The following CNTNAP5 variants were observed in gnomAD, a reference collection of about 807,000 sequenced individuals.
CNTNAP5 encodes contactin associated protein family member 5.
In CNTNAP5, 72 loss-of-function variants were observed where a neutral mutation model predicts 150.2. That is an observed-to-expected ratio of 0.48 (90% confidence interval 0.40 to 0.58). The LOEUF (loss-of-function observed/expected upper bound fraction) is 0.58, where lower values mean the gene tolerates loss of function less well. CNTNAP5 is among the 20% of genes least tolerant of loss of function. The probability of loss-of-function intolerance (pLI) is 0.00; values close to 1 mark genes in which losing one functional copy is unlikely to be tolerated. For missense variants in CNTNAP5, 1,636 were observed against 1,626.2 expected (o/e 1.01, Z -0.10); for synonymous variants, 672 against 619.8 (o/e 1.08, Z -1.25).
intron 3 of CNTNAP5, among the ~76,000 whole-genome samples, chr2:124,338,041 T>C (rs1689521151): frequency 6.6e-6 from 1 of 152,190 alleles, no homozygotes; most frequent in Non-Finnish European, 1.5e-5. Flanking sequence ...TTTTATTTCA[T>C]TCAGCAGTGG....
intron 3 of CNTNAP5, among the ~76,000 whole-genome samples, chr2:124,312,577 T>A (rs1440794889): frequency 6.6e-6 from 1 of 151,956 alleles, no homozygotes; most frequent in Admixed American, 6.6e-5. Flanking sequence ...GTTTGTTTGT[T>A]TGTTTGTTTT....
intron 1 of CNTNAP5, among the ~76,000 whole-genome samples, chr2:124,076,148 T>C (rs1041189100): frequency 6.6e-6 from 1 of 152,166 alleles, no homozygotes; most frequent in Non-Finnish European, 1.5e-5. Context: ...ACAGATATTA[T>C]AGCTTAACTT....
chr2:124,258,895 T>C (rs1687381742), intron 3 of CNTNAP5, among the ~76,000 whole-genome samples: 1 of 151,974 alleles, frequency 6.6e-6, no homozygotes, highest in African/African-American at 2.4e-5. Context: ...TTAGGGTACA[T>C]GTGCACAACG....
chr2:124,115,655 T>TTG, intron 1 of CNTNAP5, among the ~76,000 whole-genome samples: 1 of 150,130 alleles, frequency 6.7e-6, no homozygotes, highest in East Asian at 2.0e-4. Flanking sequence ...AGTCTTTTTT[T>TTG]TTTTTTTTTT....
At chr2:124,282,860 A>G (rs898992188) in intron 3 of CNTNAP5, among the ~76,000 whole-genome samples, 1 of 152,148 alleles carries the variant, frequency 6.6e-6, no homozygotes, top group Non-Finnish European at 1.5e-5. Context: ...ATTAGTTTCT[A>G]TTATATATGA....
chr2:124,801,608 T>G (rs1481231874), intron 19 of CNTNAP5, among the ~76,000 whole-genome samples: 1 of 152,198 alleles, frequency 6.6e-6, no homozygotes, highest in South Asian at 2.1e-4. Flanking sequence ...GATTCTTTAT[T>G]CCCTTCTTGT....
At chr2:124,068,349 G>A (rs1682215853) in intron 1 of CNTNAP5, among the ~76,000 whole-genome samples, 1 of 152,128 alleles carries the variant, frequency 6.6e-6, no homozygotes, top group African/African-American at 2.4e-5. Flanking sequence ...ATAGCAAAGA[G>A]CAAAGCCATC....
intron 1 of CNTNAP5, among the ~76,000 whole-genome samples, chr2:124,146,193 C>G (rs561635878): frequency 1.3e-5 from 2 of 152,236 alleles, no homozygotes; most frequent in African/African-American, 4.8e-5. Context: ...GTCTTTACCA[C>G]CGGAAGCTGC....
At chr2:124,394,085 G>T (rs1691186724) in intron 3 of CNTNAP5, among the ~76,000 whole-genome samples, 1 of 152,136 alleles carries the variant, frequency 6.6e-6, no homozygotes, top group Non-Finnish European at 1.5e-5. Flanking sequence ...AATAAAAGGT[G>T]AATAAGCTGG....
intron 11 of CNTNAP5, among the ~76,000 whole-genome samples, chr2:124,567,200 C>A (rs879607761): frequency 1.3e-5 from 2 of 151,990 alleles, no homozygotes; most frequent in Non-Finnish European, 2.9e-5. Flanking sequence ...AAGAGAGGTC[C>A]TGGGTGAGGC....
chr2:124,242,585 G>T, intron 3 of CNTNAP5, 192 bp downstream of exon 3: 1 of 512,236 alleles, frequency 2.0e-6, no homozygotes, highest in South Asian at 2.6e-5. Flanking sequence ...TAGGATGTCT[G>T]TCGCAAATAG....
At chr2:124,485,847 C>T (rs1693868436) in intron 7 of CNTNAP5, among the ~76,000 whole-genome samples, 1 of 151,874 alleles carries the variant, frequency 6.6e-6, no homozygotes, top group Non-Finnish European at 1.5e-5. Context: ...CTGCAGCGGC[C>T]CTCTAGTGCC....
At chr2:124,751,281 C>T (rs1026748803) in intron 14 of CNTNAP5, among the ~76,000 whole-genome samples, 1 of 152,074 alleles carries the variant, frequency 6.6e-6, no homozygotes, top group African/African-American at 2.4e-5. Context: ...AAATCACCGG[C>T]CTCTTAAACC....
chr2:124,518,903 C>T (rs527520538), intron 8 of CNTNAP5, among the ~76,000 whole-genome samples: 34 of 149,376 alleles, frequency 2.3e-4, no homozygotes, highest in Non-Finnish European at 4.3e-4. Flanking sequence ...CCAGGAGAAT[C>T]GCTTGAACCC....
chr2:124,366,301 G>A (rs1690369199), intron 3 of CNTNAP5, among the ~76,000 whole-genome samples: 1 of 152,020 alleles, frequency 6.6e-6, no homozygotes, highest in African/African-American at 2.4e-5. Context: ...CAAAATAACG[G>A]TACGTACTTT....
intron 3 of CNTNAP5, among the ~76,000 whole-genome samples, chr2:124,407,257 G>C (rs1166144391): frequency 6.6e-6 from 1 of 152,044 alleles, no homozygotes; most frequent in African/African-American, 2.4e-5. Flanking sequence ...AATTTTACCT[G>C]GCATCAATTT....
intron 1 of CNTNAP5, among the ~76,000 whole-genome samples, chr2:124,026,682 T>C (rs1680899944): frequency 6.6e-6 from 1 of 152,252 alleles, no homozygotes; most frequent in Non-Finnish European, 1.5e-5. Context: ...AGATGGTTTA[T>C]CAAGGTCCCT....
intron 2 of CNTNAP5, among the ~76,000 whole-genome samples, chr2:124,235,797 C>T (rs926898051): frequency 6.6e-6 from 1 of 152,158 alleles, no homozygotes; most frequent in Admixed American, 6.5e-5. Flanking sequence ...TCCAAAATCA[C>T]CACTCCCTTA....
chr2:124,435,420 G>A (rs538855888), intron 5 of CNTNAP5, among the ~76,000 whole-genome samples: 33 of 152,058 alleles, frequency 2.2e-4, no homozygotes, highest in African/African-American at 7.7e-4. Flanking sequence ...TGAAGGAAGG[G>A]TAAGCTGAGT....
Sources: allele counts gnomAD v4.1 joint callset (sites outside exome capture counted in the v4.1 genomes callset), GRCh38; gene constraint gnomAD v4.1.1; transcripts MANE v1.5; gene names NCBI Gene and HGNC (gene_info 2026-07-23, HGNC 2026-07-21).